Variants in PNPT1 observed in about 807,000 individuals in gnomAD.
PNPT1 encodes polyribonucleotide nucleotidyltransferase 1, mitochondrial.
Under a neutral mutation model 119.5 loss-of-function variants are expected in PNPT1, and 53 were observed. The observed-to-expected ratio is 0.44, with a 90% CI of 0.36 to 0.56. The LOEUF (loss-of-function observed/expected upper bound fraction) is 0.56. Ranked by LOEUF, PNPT1 falls within the 20% of genes least tolerant of loss-of-function variation. PNPT1 has a pLI of 0.00. For missense variants in PNPT1, 948 were observed against 938.5 expected (o/e 1.01, Z -0.13); for synonymous variants, 357 against 322.1 (o/e 1.11, Z -1.16).
chr2:55,672,941 G>T lies in PNPT1; in HGVS notation c.818C>A (p.Pro273His), dbSNP rs1367460436. Residue 273 changes from proline (P) to histidine (H), a missense_variant, in exon 9 of 28, where the codon CCT becomes CAT. Transcript: ENST00000447944. ...TGGCGAAGGGGTAAATAACTTCTGAGGTGTCCTCTTGGTAACACCAGTTTC... is the reference window on the plus strand; with the variant it reads ...TGGCGAAGGGGTAAATAACTTCTGATGTGTCCTCTTGGTAACACCAGTTTC... Reference protein sequence around the residue: ...VKETGVTKRTPQKLFTPSPEI... With the variant: ...VKETGVTKRTHQKLFTPSPEI... 1 of 1,613,034 alleles carries T rather than the reference G, an allele frequency of 6.2e-7. No individual in the cohort carries two copies. The highest frequency in any genetic ancestry group is 8.5e-7 in the Non-Finnish European group (1 of 1,179,682).
chr2:55,636,435 T>C (rs767065180), intron 27 of PNPT1, 43 bp from the exon 28 acceptor site: 1 of 1,593,266 alleles, frequency 6.3e-7, no homozygotes, highest in Admixed American at 1.7e-5. Flanking sequence ...TACAGCACAT[T>C]GAGTGACATC....
In PNPT1 at chr2:55,666,974, C is replaced by G. The variant is rs1696751427; in HGVS notation, c.1176+17G>C. On this transcript the variant is annotated intron_variant, in intron 13 of 27. Transcript: ENST00000447944. ...ATCTTAATTTAGCAAATAATTAGAG[C>G]TTTTTATATAAATTACCTGTGTTTG... 1 of 1,497,712 alleles carries G rather than the reference C, an allele frequency of 6.7e-7. No individual in the cohort carries two copies. Among genetic ancestry groups the G allele is most frequent in the Non-Finnish European group, 9.0e-7 (1 of 1,108,842 alleles). 92.8% of individuals were successfully genotyped at this position (1,497,712 alleles called of 1,614,324 possible).
intron 1 of PNPT1, among the ~76,000 whole-genome samples, chr2:55,690,940 T>C (rs552890363): frequency 6.6e-6 from 1 of 152,240 alleles, no homozygotes; most frequent in African/African-American, 2.4e-5. Flanking sequence ...CAGTATTAAG[T>C]AATGGTTTCA....
In PNPT1 at chr2:55,654,256, CA is replaced by C. The variant is rs1376567034; in HGVS notation, c.1495+643del. Among the ~76,000 whole-genome samples the C allele has an allele frequency of 6.3e-3, 682 of 108,818 alleles. 2 individuals carry two copies. The highest frequency in any genetic ancestry group is 0.015 in the African/African-American group (385 of 26,454). The allele number at this position is 108,818 out of a possible 152,430, so 71.4% of individuals were successfully genotyped here. On this transcript the variant is annotated intron_variant, in intron 18 of 27. Coordinates refer to ENST00000447944, the MANE Select transcript of PNPT1 (RefSeq NM_033109.5). The stretch of plus-strand genomic sequence containing the variant: ...TGGACAACAGAGCGAGACTCTGTCT[CA>C]AAAAAAAAAAAAAAAAAAATCTCCT...
chr2:55,686,937 A>G (rs1482594329), intron 2 of PNPT1, among the ~76,000 whole-genome samples: 1 of 151,818 alleles, frequency 6.6e-6, no homozygotes, highest in African/African-American at 2.4e-5. Context: ...AGACCAGGCC[A>G]GGCGCGGTGG....
At chr2:55,686,336 A>G in intron 3 of PNPT1, 34 bp downstream of exon 3, 2 of 1,559,144 alleles carry the variant, frequency 1.3e-6, no homozygotes, top group Non-Finnish European at 1.8e-6. Context: ...TACTCAGACC[A>G]TATTACAGTT....
Position 55,662,027 on chromosome 2 carries a change from C to A in PNPT1, c.1177-1G>T. On this transcript the variant is annotated splice_acceptor_variant, in intron 13 of 27. Coordinates refer to ENST00000447944, the MANE Select transcript of PNPT1 (RefSeq NM_033109.5). LOFTEE classifies it high-confidence loss of function. ...AATCAAATGTAACGGTACAAAGCAC[C>A]TAAAAAAGAAAAAGAATTCCTCAGG... The A allele has an allele frequency of 1.9e-6, 3 of 1,554,784 alleles. No homozygotes were observed. Among genetic ancestry groups the A allele is most frequent in the South Asian group, 1.2e-5 (1 of 80,160 alleles).
At chr2:55,668,666 C>G (rs1259428268) in intron 11 of PNPT1, among the ~76,000 whole-genome samples, 1 of 152,066 alleles carries the variant, frequency 6.6e-6, no homozygotes, top group Non-Finnish European at 1.5e-5. Flanking sequence ...ATGGCATGAT[C>G]TCAGCTCACC....
chr2:55,654,802 C>T (rs1696332064), intron 18 of PNPT1, 98 bp downstream of exon 18: 3 of 1,139,452 alleles, frequency 2.6e-6, no homozygotes, highest in African/African-American at 1.6e-5. Context: ...TCTTGAACTC[C>T]CAGCCTCAAG....
chr2:55,667,964 G>GA lies in PNPT1; in HGVS notation c.977-7dup. 1.3e-6 allele frequency: 2 copies of GA among 1,573,802 alleles called. No homozygotes were observed. The highest frequency in any genetic ancestry group is 1.7e-6 in the Non-Finnish European group (2 of 1,168,308). ...ATCGGCTTCTGGAAATTTTTCTATA[G>GA]AAAAAAGACAAACCAAAACAAAGAT... is the stretch of plus-strand genomic sequence containing the variant. On this transcript the variant is annotated splice_region_variant and splice_polypyrimidine_tract_variant and intron_variant, in intron 11 of 27. Coordinates refer to ENST00000447944, the MANE Select transcript of PNPT1 (RefSeq NM_033109.5).
At chr2:55,681,040 G>A in intron 5 of PNPT1, 122 bp from the exon 6 acceptor site, 1 of 755,798 alleles carries the variant, frequency 1.3e-6, no homozygotes. Flanking sequence ...CTTAATTTTG[G>A]CTGTCATTAA....
chr2:55,667,134 A>T lies in PNPT1; in HGVS notation c.1074-41T>A, dbSNP rs72807607. The T allele has an allele frequency of 1.4e-3, 2,095 of 1,468,372 alleles. 7 individuals are homozygous for T. Among genetic ancestry groups the T allele is most frequent in the Middle Eastern group, 0.013 (76 of 5,766 alleles). 91.0% of individuals were successfully genotyped at this position (1,468,372 alleles called of 1,614,324 possible). On this transcript the variant is annotated intron_variant, in intron 12 of 27. Coordinates refer to ENST00000447944, the MANE Select transcript of PNPT1 (RefSeq NM_033109.5). ...AAATAAGTACATTAAGTAACGCTGG[A>T]AACAGAAAAATCACATGTCTTTATC...
rs759684512 is a variant in PNPT1, at chr2:55,679,811, A to C, written c.566-16T>G. Reference sequence around the variant, plus strand: ...CGTACTGCCCCTAAAATGTATTAGAATATTGGCAACTGTTTAATGGAAATA... The same window carrying C: ...CGTACTGCCCCTAAAATGTATTAGACTATTGGCAACTGTTTAATGGAAATA... On this transcript the variant is annotated splice_polypyrimidine_tract_variant and intron_variant, in intron 7 of 27. Coordinates refer to ENST00000447944, the MANE Select transcript of PNPT1 (RefSeq NM_033109.5). The C allele has an allele frequency of 6.5e-7, 1 of 1,544,166 alleles. No homozygotes were observed. Among genetic ancestry groups the C allele is most frequent in the Non-Finnish European group, 8.9e-7 (1 of 1,125,836 alleles).
At position 55,635,649 on chromosome 2, in the gene PNPT1, T is replaced by TTA. The variant is rs1327064064; in HGVS notation, c.*586_*587dup. ...ATCCTAGTTAGAATCTCATTTATAT[T>TTA]TATTCCACTCTGTTTATGATTTGGT... On this transcript the variant is annotated 3_prime_UTR_variant, in exon 28 of 28. Coordinates refer to ENST00000447944, the MANE Select transcript of PNPT1 (RefSeq NM_033109.5). The TTA allele has an allele frequency of 6.7e-6, 1 of 148,400 alleles. No homozygotes were observed. The highest frequency in any genetic ancestry group is 2.5e-5 in the African/African-American group (1 of 40,512). The allele number at this position is 148,400 out of a possible 1,614,324, so 9.2% of individuals were successfully genotyped here. A position where few individuals can be genotyped will look rare whatever the true frequency, so the allele number is the denominator to read the frequency against.
intron 13 of PNPT1, among the ~76,000 whole-genome samples, chr2:55,662,515 A>G (rs534760717): frequency 6.6e-6 from 1 of 152,142 alleles, no homozygotes; most frequent in Admixed American, 6.5e-5. Flanking sequence ...TCTCTACTAA[A>G]AATACAAAAA....
chr2:55,659,520 A>G (rs1382048331), intron 15 of PNPT1, among the ~76,000 whole-genome samples: 1 of 143,538 alleles, frequency 7.0e-6, no homozygotes, highest in Admixed American at 6.7e-5. Context: ...TACAGGCATG[A>G]CTTTTTTTTT....
intron 11 of PNPT1, among the ~76,000 whole-genome samples, chr2:55,668,753 A>C (rs1696816033): frequency 6.6e-6 from 1 of 152,020 alleles, no homozygotes; most frequent in Admixed American, 6.6e-5. Flanking sequence ...GCATGTGCCA[A>C]CACACCTGGC....
chr2:55,667,162 T>TCCC, intron 12 of PNPT1, 69 bp from the exon 13 acceptor site: 1 of 1,194,526 alleles, frequency 8.4e-7, no homozygotes, highest in Non-Finnish European at 1.2e-6. Context: ...TCTTTATCTC[T>TCCC]CCCAGGAAGT....
At chr2:55,670,370 T>TA (rs1392978439) in intron 11 of PNPT1, among the ~76,000 whole-genome samples, 1 of 151,868 alleles carries the variant, frequency 6.6e-6, no homozygotes. Flanking sequence ...GTATTTTTAG[T>TA]AGAGACAGGG....
Sources: gnomAD v4.1 joint callset for allele counts (sites outside exome capture counted in the v4.1 genomes callset) on GRCh38, gnomAD v4.1.1 for gene constraint, MANE v1.5 for transcripts, NCBI Gene and HGNC (gene_info 2026-07-23, HGNC 2026-07-21) for gene names.